The following PCDHGA2 variants were observed in gnomAD, a reference collection of about 807,000 sequenced individuals.
PCDHGA2 encodes protocadherin gamma subfamily A, 2, also known as protocadherin gamma-A2.
A neutral mutation model predicts 59.2 loss-of-function variants in PCDHGA2; 40 were observed. That is an observed-to-expected ratio of 0.68 (90% CI 0.52 to 0.88). PCDHGA2 has a LOEUF of 0.88. PCDHGA2 is among the 40% of genes least tolerant of loss of function. The probability of loss-of-function intolerance (pLI) is 0.00; values close to 1 mark genes in which losing one functional copy is unlikely to be tolerated. For synonymous variants in PCDHGA2, 560 were observed against 526.0 expected (o/e 1.06, Z -0.89); for missense variants, 1,226 against 1,204.0 (o/e 1.02, Z -0.27).
intron 1 of PCDHGA2, chr5:141,421,969 T>C (rs1039340340): frequency 1.2e-6 from 2 of 1,611,188 alleles, no homozygotes; most frequent in Admixed American, 1.7e-5. Flanking sequence ...ACAGTCCGTA[T>C]ATCGCGTGAG....
intron 1 of PCDHGA2, chr5:141,374,689 G>A (rs1337417637): frequency 1.2e-6 from 2 of 1,609,578 alleles, no homozygotes; most frequent in East Asian, 2.2e-5. Context: ...CACTGGACCG[G>A]GAAGGAGAAG....
At position 141,490,857 on chromosome 5, in the gene PCDHGA2, C is replaced by G; in HGVS notation, c.2425-3950C>G. 6.2e-7 allele frequency: 1 copy of G among 1,613,832 alleles called. No homozygotes were observed. Among genetic ancestry groups the G allele is most frequent in the Admixed American group, 1.7e-5 (1 of 60,012 alleles). On this transcript the variant is annotated intron_variant, in intron 1 of 3. Coordinates refer to ENST00000394576, the MANE Select transcript of PCDHGA2 (RefSeq NM_018915.4). The surrounding 1 kb of genome is among the most constrained non-coding windows in gnomAD (Gnocchi z 5.4). ...AGATTGTGGTGGGGGTTCGAGACTCCGGCTCTCCCCCATTGCATGCCAACA... is the reference window on the plus strand; with the variant it reads ...AGATTGTGGTGGGGGTTCGAGACTCGGGCTCTCCCCCATTGCATGCCAACA...
At chr5:141,453,178 A>G (rs939398654) in intron 1 of PCDHGA2, among the ~76,000 whole-genome samples, 1 of 152,128 alleles carries the variant, frequency 6.6e-6, no homozygotes, top group African/African-American at 2.4e-5. Flanking sequence ...CAGTGGTACA[A>G]TCACAGCTCA....
intron 1 of PCDHGA2, among the ~76,000 whole-genome samples, chr5:141,354,260 G>C (rs914348082): frequency 6.6e-6 from 1 of 151,652 alleles, no homozygotes; most frequent in Non-Finnish European, 1.5e-5. Context: ...CATTGTTTTA[G>C]GCTTTGCATT....
chr5:141,374,747 C>G, intron 1 of PCDHGA2: 1 of 1,612,140 alleles, frequency 6.2e-7, no homozygotes, highest in Non-Finnish European at 8.5e-7. Flanking sequence ...CGACCCTGTC[C>G]GCTCAAGCGT....
At chr5:141,423,150 G>T in intron 1 of PCDHGA2, 1 of 1,613,538 alleles carries the variant, frequency 6.2e-7, no homozygotes, top group Non-Finnish European at 8.5e-7. Flanking sequence ...CGCTCAAGCA[G>T]AGCCTCGTGG....
intron 1 of PCDHGA2, chr5:141,388,588 C>T: frequency 6.2e-7 from 1 of 1,613,876 alleles, no homozygotes; most frequent in Non-Finnish European, 8.5e-7. Context: ...GTGACTGATG[C>T]CAATGATAAT....
At chr5:141,407,963 G>T (rs2095010709) in intron 1 of PCDHGA2, 1 of 681,746 alleles carries the variant, frequency 1.5e-6, no homozygotes, top group Admixed American at 3.5e-5. Context: ...TGCAGAGCAA[G>T]CGCTGACGCC....
chr5:141,404,475 A>G, intron 1 of PCDHGA2: 1 of 1,613,732 alleles, frequency 6.2e-7, no homozygotes, highest in Non-Finnish European at 8.5e-7. Flanking sequence ...GTCTCTATTA[A>G]CTCAGACACT....
At position 141,403,597 on chromosome 5, in the gene PCDHGA2, G is replaced by T. The variant is rs772486529; in HGVS notation, c.2424+62202G>T. On this transcript the variant is annotated intron_variant, in intron 1 of 3. Transcript: ENST00000394576. ...CCCACCACCTGGTCCTCACGGCCTC[G>T]GATGGCGGCGAGCCGCGTCGCTCCA... The T allele has an allele frequency of 1.3e-5, 21 of 1,613,692 alleles. No individual in the cohort carries two copies. The African/African-American group carries it at 2.5e-4, about 19-fold the overall frequency.
At chr5:141,377,717 T>C (rs1025721438) in intron 1 of PCDHGA2, 1 of 152,222 alleles carries the variant, frequency 6.6e-6, no homozygotes, top group African/African-American at 2.4e-5. Context: ...AAATTATTTT[T>C]GAAAAGATAA....
chr5:141,376,309 C>A (rs775051431), intron 1 of PCDHGA2: 109 of 1,614,030 alleles, frequency 6.8e-5, no homozygotes, highest in Non-Finnish European at 8.9e-5. Context: ...ACTTTGTGGG[C>A]GTGGAAGGGG....
intron 1 of PCDHGA2, among the ~76,000 whole-genome samples, chr5:141,401,352 G>C (rs1381325058): frequency 6.6e-6 from 1 of 152,080 alleles, no homozygotes; most frequent in Non-Finnish European, 1.5e-5. Flanking sequence ...CAAAAAAAAG[G>C]AAGGAGAAGG....
chr5:141,450,085 C>T (rs997781052), intron 1 of PCDHGA2, among the ~76,000 whole-genome samples: 3 of 149,208 alleles, frequency 2.0e-5, no homozygotes, highest in Non-Finnish European at 4.4e-5. Context: ...TGGCTCACTG[C>T]AACCTCCGCC....
intron 1 of PCDHGA2, chr5:141,357,591 A>C (rs1760669950): frequency 6.8e-6 from 11 of 1,614,152 alleles, no homozygotes; most frequent in Non-Finnish European, 9.3e-6. Flanking sequence ...CTCAGGATTT[A>C]CTTGAAACAA....
At chr5:141,375,014 G>C in intron 1 of PCDHGA2, 1 of 1,614,004 alleles carries the variant, frequency 6.2e-7, no homozygotes, top group Non-Finnish European at 8.5e-7. Flanking sequence ...AGACTATGAG[G>C]ACTCGAGTTT....
chr5:141,500,680 T>C (rs999167635), intron 2 of PCDHGA2, among the ~76,000 whole-genome samples: 7 of 152,224 alleles, frequency 4.6e-5, no homozygotes, highest in Non-Finnish European at 7.3e-5. Context: ...AACAGAATTA[T>C]AGCTTTTTTC....
intron 1 of PCDHGA2, among the ~76,000 whole-genome samples, chr5:141,348,932 G>T (rs1307692847): frequency 3.9e-5 from 6 of 152,188 alleles, no homozygotes; most frequent in Non-Finnish European, 8.8e-5. Context: ...ACCAAGACTG[G>T]TTCTAAGCCT....
chr5:141,416,233 C>T (rs1313671195), intron 1 of PCDHGA2: 1 of 152,210 alleles, frequency 6.6e-6, no homozygotes, highest in Non-Finnish European at 1.5e-5. Flanking sequence ...ATTTTTCCAG[C>T]CCTATTTATA....
Sources: gnomAD v4.1 joint callset for allele counts (sites outside exome capture counted in the v4.1 genomes callset) on GRCh38, gnomAD v4.1.1 for gene constraint, Gnocchi (gnomAD v3.1) non-coding constraint, MANE v1.5 for transcripts, NCBI Gene and HGNC (gene_info 2026-07-23, HGNC 2026-07-21) for gene names.